ACER1: variants seen among roughly 807,000 people sequenced by gnomAD.
ACER1 encodes CTB-180A7.3.
ACER1 carries 28 observed loss-of-function variants against 24.9 expected under a neutral mutation model. The observed-to-expected ratio is 1.13, with a 90% CI of 0.83 to 1.54. The LOEUF (loss-of-function observed/expected upper bound fraction) is 1.54. Among genes scored for constraint, ACER1 ranks in the 40% most tolerant of loss-of-function variants. ACER1 has a pLI of 0.00. For missense variants in ACER1, 352 were observed against 349.3 expected (o/e 1.01, Z -0.06); for synonymous variants, 132 against 131.4 (o/e 1.00, Z -0.03).
At position 6,312,486 on chromosome 19, in the gene ACER1, G is replaced by A. The variant is rs746482764; in HGVS notation, c.107C>T (p.Pro36Leu). Residue 36 changes from proline to leucine, a missense_variant, in exon 2 of 6, where the codon CCC (proline) becomes CTC (leucine). Physicochemically the swap from Pro to Leu is moderately conservative, Grantham distance 98. Transcript: ENST00000301452. Reference protein sequence around the residue: ...AEFYNTFSNIPFFIFGPLMML... With the variant: ...AEFYNTFSNILFFIFGPLMML... ...CATCAGTGGCCCGAAGATGAAGAAG[G>A]GGATATTGGAGAACTGGAGCAGAGA... is the stretch of plus-strand genomic sequence containing the variant. The A allele has an allele frequency of 3.1e-6, 5 of 1,613,622 alleles. No homozygotes were observed. In the Admixed American group the frequency reaches 5.0e-5, roughly 16 times the overall value.
At chr19:6,307,884 T>G (rs1313699726) in intron 4 of ACER1, among the ~76,000 whole-genome samples, 1 of 151,482 alleles carries the variant, frequency 6.6e-6, no homozygotes, top group African/African-American at 2.4e-5. Flanking sequence ...GCCAGAAGTT[T>G]GAGACCAGCT....
At position 6,307,248 on chromosome 19, in the gene ACER1, C is replaced by T. The variant is rs374124977; in HGVS notation, c.531G>A (p.Val177=). Reference sequence around the variant, plus strand: ...TGGTCAGAGCAACAGCCCATAAAACCACGGAGACCTCAATCAGGTGCCGAA... The same window carrying T: ...TGGTCAGAGCAACAGCCCATAAAACTACGGAGACCTCAATCAGGTGCCGAA... ...KELRHLIEVS[V]VLWAVALTSW... is the part of the protein sequence containing the mutation. Residue 177 remains valine (V), a synonymous_variant, in exon 5 of 6, where the codon GTG becomes GTA. Coordinates refer to ENST00000301452, the MANE Select transcript of ACER1 (RefSeq NM_133492.3). 6.2e-7 allele frequency: 1 copy of T among 1,613,932 alleles called. No individual in the cohort carries two copies. Among genetic ancestry groups the T allele is most frequent in the African/African-American group, 1.3e-5 (1 of 74,916 alleles).
At chr19:6,311,409 G>T (rs2091579298) in intron 3 of ACER1, among the ~76,000 whole-genome samples, 1 of 152,016 alleles carries the variant, frequency 6.6e-6, no homozygotes, top group African/African-American at 2.4e-5. Flanking sequence ...GGGTGTGGTG[G>T]CAGGTGCCTG....
the ACER1 span, among the ~76,000 whole-genome samples, chr19:6,349,816 G>A: frequency 2.0e-5 from 3 of 152,164 alleles, no homozygotes; most frequent in East Asian, 3.9e-4. Context: ...CCCTTGGCTG[G>A]GCAGTAAGTC....
the ACER1 span, among the ~76,000 whole-genome samples, chr19:6,347,109 A>AAAAAAAAAT: frequency 1.4e-4 from 16 of 113,776 alleles, no homozygotes; most frequent in African/African-American, 8.1e-4. Context: ...AAAAAAAAAA[A>AAAAAAAAAT]ATATATATAT....
At position 6,307,261 on chromosome 19, in the gene ACER1, A is replaced by T; in HGVS notation, c.518T>A (p.Ile173Asn). ...KTSNKELRHL[I>N]EVSVVLWAVA... ...AGCCCATAAAACCACGGAGACCTCA[A>T]TCAGGTGCCGAAGCTCCTTATTGCT... Residue 173 changes from isoleucine to asparagine, a missense_variant, in exon 5 of 6, where the codon ATT becomes AAT. Physicochemically the swap from Ile to Asn is moderately radical, Grantham distance 149. Coordinates refer to ENST00000301452, the MANE Select transcript of ACER1 (RefSeq NM_133492.3). The T allele has an allele frequency of 6.2e-7, 1 of 1,614,038 alleles. No homozygotes were observed. Among genetic ancestry groups the T allele is most frequent in the Non-Finnish European group, 8.5e-7 (1 of 1,179,998 alleles).
At chr19:6,347,707 G>A in the ACER1 span, among the ~76,000 whole-genome samples, 3,794 of 152,034 alleles carry the variant, frequency 0.025, 155 homozygotes, top group African/African-American at 0.086. Context: ...GTGGTGGCAG[G>A]TGCCTGTAAT....
the ACER1 span, among the ~76,000 whole-genome samples, chr19:6,359,000 G>A: frequency 4.6e-5 from 7 of 151,532 alleles, no homozygotes; most frequent in African/African-American, 1.5e-4. Flanking sequence ...GGAAGGCTGA[G>A]GCAGGAGGAT....
At chr19:6,340,571 T>C in the ACER1 span, among the ~76,000 whole-genome samples, 1 of 152,122 alleles carries the variant, frequency 6.6e-6, no homozygotes, top group African/African-American at 2.4e-5. Flanking sequence ...CAGTCTCTGC[T>C]CTGTGTGTGG....
the ACER1 span, among the ~76,000 whole-genome samples, chr19:6,350,329 C>T: frequency 1.5e-4 from 23 of 152,018 alleles, 2 homozygotes; most frequent in South Asian, 4.6e-3. Flanking sequence ...TAGCTGGCAC[C>T]AACATGGCAC....
At chr19:6,349,160 GGAAGAA>G in the ACER1 span, among the ~76,000 whole-genome samples, 2 of 149,696 alleles carry the variant, frequency 1.3e-5, 1 homozygote, top group South Asian at 4.2e-4. Context: ...GAAGGAAGAA[GGAAGAA>G]GAAGAAGAAG....
At chr19:6,339,309 G>A in the ACER1 span, among the ~76,000 whole-genome samples, 1 of 152,314 alleles carries the variant, frequency 6.6e-6, no homozygotes, top group East Asian at 1.9e-4. Flanking sequence ...TTCTGATACA[G>A]GCAACAACGT....
the ACER1 span, among the ~76,000 whole-genome samples, chr19:6,344,939 C>A: frequency 6.6e-6 from 1 of 151,682 alleles, no homozygotes; most frequent in Non-Finnish European, 1.5e-5. Flanking sequence ...GATCTCGGCT[C>A]ACTGCAACCT....
chr19:6,316,133 A>C (rs2091602248), intron 1 of ACER1, among the ~76,000 whole-genome samples: 1 of 152,032 alleles, frequency 6.6e-6, no homozygotes, highest in Admixed American at 6.6e-5. Context: ...GTCTCAAAAA[A>C]AGAAAAAAGA....
chr19:6,312,881 TGGCCA>T (rs2091588893), intron 1 of ACER1, among the ~76,000 whole-genome samples: 1 of 152,034 alleles, frequency 6.6e-6, no homozygotes, highest in Non-Finnish European at 1.5e-5. Context: ...TTCACCATGT[TGGCCA>T]GGCTGCTCTT....
intron 1 of ACER1, among the ~76,000 whole-genome samples, chr19:6,327,622 T>TA (rs947591892): frequency 2.0e-5 from 3 of 151,086 alleles, no homozygotes; most frequent in Admixed American, 6.6e-5. Context: ...TAAAATAAAA[T>TA]AAATAAACAC....
chr19:6,319,131 A>G (rs1311269914), intron 1 of ACER1, among the ~76,000 whole-genome samples: 1 of 152,172 alleles, frequency 6.6e-6, no homozygotes, highest in African/African-American at 2.4e-5. Context: ...TAATAATAAC[A>G]GGCCTGTTAT....
At chr19:6,318,841 A>G (rs892540128) in intron 1 of ACER1, among the ~76,000 whole-genome samples, 13 of 32,160 alleles carry the variant, frequency 4.0e-4, no homozygotes, top group Non-Finnish European at 7.3e-4. Flanking sequence ...TCTCTCTCCA[A>G]CTCAAAAAGA....
At chr19:6,350,629 G>A in the ACER1 span, among the ~76,000 whole-genome samples, 4,502 of 149,886 alleles carry the variant, frequency 0.03, 98 homozygotes, top group Non-Finnish European at 0.048. Flanking sequence ...GAGGGAAGGA[G>A]GGAGGGAGAG....
Sources: allele counts gnomAD v4.1 joint callset (sites outside exome capture counted in the v4.1 genomes callset), GRCh38; gene constraint gnomAD v4.1.1; transcripts MANE v1.5; gene names NCBI Gene and HGNC (gene_info 2026-07-23, HGNC 2026-07-21).